The following PUDP variants were observed in gnomAD, a reference collection of about 807,000 sequenced individuals.
The protein encoded by PUDP is pseudouridine 5'-phosphatase, also known as pseudouridine-5'-phosphatase.
PUDP carries 8 observed loss-of-function variants against 9.4 expected under a neutral mutation model. The ratio of observed to expected loss-of-function variants is 0.85; its 90% CI spans 0.50 to 1.53. PUDP has a LOEUF of 1.53. PUDP is among the 40% of genes most tolerant of loss of function. The pLI is 0.00. For missense variants in PUDP, 188 were observed against 189.7 expected, an observed-to-expected ratio of 0.99 and a Z score of 0.05; for synonymous variants, 99 against 80.7, an observed-to-expected ratio of 1.23 and a Z score of -1.22.
chrX:6,723,659 A>G (rs1161019678), upstream of PUDP, among the ~76,000 whole-genome samples: 1 of 100,940 alleles, frequency 9.9e-6, no homozygotes, highest in Non-Finnish European at 2.0e-5. Flanking sequence ...GCAACCTAAC[A>G]AAACCCCACC....
intron 1 of PUDP, among the ~76,000 whole-genome samples, chrX:6,985,528 T>A (rs1430134344): frequency 9.0e-6 from 1 of 111,120 alleles, no homozygotes; most frequent in Non-Finnish European, 1.9e-5. Flanking sequence ...ATTACTTTGT[T>A]AAAATCTTCA....
intron 3 of PUDP, among the ~76,000 whole-genome samples, chrX:6,858,322 C>CTTTTTT (rs370817442): frequency 4.5e-5 from 4 of 89,443 alleles, no homozygotes; most frequent in Non-Finnish European, 4.4e-5. Flanking sequence ...TTTTTTCTTT[C>CTTTTTT]TTTTTTTTTT....
chrX:6,827,447 G>A (rs56269836), intron 3 of PUDP, among the ~76,000 whole-genome samples: 9,870 of 111,225 alleles, frequency 0.089, 576 homozygotes, highest in East Asian at 0.45. Context: ...GGTGTATGCC[G>A]TATGTAAATG....
intron 3 of PUDP, among the ~76,000 whole-genome samples, chrX:6,854,162 A>G (rs759370997): frequency 1.3e-4 from 15 of 111,419 alleles, no homozygotes; most frequent in Non-Finnish European, 2.3e-4. Context: ...TTAGTTTTTA[A>G]TCTTCTATAA....
Position 6,999,758 on chromosome X carries a change from C to T in PUDP, c.205-21415G>A, listed in dbSNP as rs184031710. ...AGGAGCTTACTTGTGTAACCAAACA[C>T]CACCTGTTCTCCAATAGCCTATGAA... is the stretch of plus-strand genomic sequence containing the variant. On this transcript the variant is annotated intron_variant and NMD_transcript_variant, in intron 1 of 3. Coordinates refer to the PUDP transcript ENST00000655425. 7.9e-3 allele frequency among the ~76,000 whole-genome samples: 849 copies of T among 107,594 alleles called. 2 individuals carry two copies. Among genetic ancestry groups the T allele is most frequent in the Middle Eastern group, 0.014 (3 of 210 alleles). The allele number at this position is 107,594 out of a possible 115,157, so 93.4% of individuals were successfully genotyped here. A position where few individuals can be genotyped will look rare whatever the true frequency, so the allele number is the denominator to read the frequency against.
chrX:7,084,339 G>A (rs1436810027), intron 2 of PUDP, among the ~76,000 whole-genome samples: 7 of 112,355 alleles, frequency 6.2e-5, no homozygotes, highest in African/African-American at 1.6e-4. Context: ...ATTTCCTGCC[G>A]TCTGTTTTCC....
At position 7,138,032 on chromosome X, in the gene PUDP, C is replaced by T. The variant is rs868689625; in HGVS notation, c.61+10021G>A. Reference sequence around the variant, plus strand: ...TGACCCTATATAGACTGAATACAAACATCTCCCCAAAAAGGTGACGAAGGG... The same window carrying T: ...TGACCCTATATAGACTGAATACAAATATCTCCCCAAAAAGGTGACGAAGGG... On this transcript the variant is annotated intron_variant, in intron 1 of 3. Coordinates refer to ENST00000381077, the MANE Select transcript of PUDP (RefSeq NM_012080.5). Among the ~76,000 whole-genome samples, 11 of 112,111 alleles carry T rather than the reference C, an allele frequency of 9.8e-5. No homozygotes were observed. In the South Asian group the frequency reaches 4.1e-3, roughly 42 times the overall value.
intron 1 of PUDP, among the ~76,000 whole-genome samples, chrX:7,118,184 CAG>C (rs1932247930): frequency 8.9e-6 from 1 of 112,196 alleles, no homozygotes; most frequent in African/African-American, 3.2e-5. Flanking sequence ...CTGCCATTAC[CAG>C]ATCTAATTCA....
At chrX:6,856,319 G>T (rs1264155407) in intron 3 of PUDP, among the ~76,000 whole-genome samples, 1 of 111,792 alleles carries the variant, frequency 8.9e-6, no homozygotes, top group Non-Finnish European at 1.9e-5. Flanking sequence ...CCTATTATCT[G>T]CAGTGAGCAC....
At chrX:6,722,442 C>CAA (rs771530051), upstream of PUDP, among the ~76,000 whole-genome samples, 1,242 of 92,585 alleles carry the variant, frequency 0.013, 25 homozygotes, top group African/African-American at 0.045. Context: ...GAGACTGTCT[C>CAA]AAAAAAAAAA....
intron 3 of PUDP, among the ~76,000 whole-genome samples, chrX:6,805,300 G>T (rs975278914): frequency 5.5e-5 from 6 of 110,025 alleles, no homozygotes; most frequent in Non-Finnish European, 1.1e-4. Flanking sequence ...AATACAAAGA[G>T]CTCCTGAGGA....
intron 3 of PUDP, among the ~76,000 whole-genome samples, chrX:6,889,864 G>A (rs1927487282): frequency 9.0e-6 from 1 of 111,311 alleles, no homozygotes; most frequent in South Asian, 3.8e-4. Context: ...AAGGGCAGGA[G>A]TCATCCTCAC....
intron 1 of PUDP, among the ~76,000 whole-genome samples, chrX:7,040,862 CCT>C (rs1929912555): frequency 9.0e-6 from 1 of 110,558 alleles, no homozygotes; most frequent in African/African-American, 3.3e-5. Flanking sequence ...TCTTGACACC[CCT>C]GTTCTTAGCT....
intron 3 of PUDP, among the ~76,000 whole-genome samples, chrX:6,809,073 CATGTGGCCAAGCCCAATCAAAT>C (rs1287270914): frequency 1.8e-5 from 2 of 111,382 alleles, no homozygotes; most frequent in African/African-American, 6.5e-5. Context: ...GATCCCATAG[CATGTGGCCAAGCCCAATCAAAT>C]GCTGGCTGAC....
At chrX:7,082,674 C>T (rs1240888552) in intron 2 of PUDP, among the ~76,000 whole-genome samples, 2 of 112,461 alleles carry the variant, frequency 1.8e-5, no homozygotes, top group South Asian at 3.7e-4. Flanking sequence ...GACGCTGATG[C>T]TATCCCAGGA....
At chrX:7,012,287 T>C (rs1322598017) in intron 1 of PUDP, among the ~76,000 whole-genome samples, 3 of 112,277 alleles carry the variant, frequency 2.7e-5, no homozygotes, top group Non-Finnish European at 5.6e-5. Flanking sequence ...CTTTGAGCTT[T>C]TGGCACTTAG....
At chrX:7,009,738 T>C (rs1031774872) in intron 1 of PUDP, among the ~76,000 whole-genome samples, 4 of 111,298 alleles carry the variant, frequency 3.6e-5, no homozygotes, top group African/African-American at 9.8e-5. Flanking sequence ...ACAGTATCTA[T>C]GACGAGTTAA....
chrX:6,933,397 A>G (rs1928237993), intron 3 of PUDP, among the ~76,000 whole-genome samples: 1 of 111,627 alleles, frequency 9.0e-6, no homozygotes, highest in African/African-American at 3.3e-5. Context: ...ACCTCTAGCA[A>G]ACTCCAACAG....
At chrX:7,025,894 GT>G (rs778906902) in intron 1 of PUDP, among the ~76,000 whole-genome samples, 20 of 111,968 alleles carry the variant, frequency 1.8e-4, no homozygotes, top group African/African-American at 6.5e-4. Flanking sequence ...AGAGGGTTTT[GT>G]TTAATTGTTT....
Sources: allele counts gnomAD v4.1 joint callset (sites outside exome capture counted in the v4.1 genomes callset), GRCh38; gene constraint gnomAD v4.1.1; transcripts MANE v1.5; gene names NCBI Gene and HGNC (gene_info 2026-07-23, HGNC 2026-07-21).